Variants in SRGAP3 observed in about 807,000 individuals in gnomAD.
The protein encoded by SRGAP3 is SLIT-ROBO Rho GTPase activating protein 3.
SRGAP3 carries 39 observed loss-of-function variants against 121.1 expected under a neutral mutation model. That is an observed-to-expected ratio of 0.32 (90% CI 0.25 to 0.42). The LOEUF is 0.42. Ranked by LOEUF, SRGAP3 falls within the 10% of genes least tolerant of loss-of-function variation. SRGAP3 has a pLI of 1.00. For synonymous variants in SRGAP3, 601 were observed against 570.0 expected, an observed-to-expected ratio of 1.05 and a Z score of -0.77; for missense variants, 1,213 against 1,470.6, an observed-to-expected ratio of 0.82 and a Z score of 2.86.
chr3:9,144,913 C>A (rs1949973993), intron 1 of SRGAP3, among the ~76,000 whole-genome samples: 1 of 152,178 alleles, frequency 6.6e-6, no homozygotes, highest in Admixed American at 6.5e-5. Context: ...ATGTAAAGTG[C>A]TTGGCACAGT....
intron 7 of SRGAP3, 130 bp downstream of exon 7, chr3:9,058,121 C>T (rs1025703296): frequency 6.2e-6 from 6 of 969,344 alleles, no homozygotes; most frequent in African/African-American, 3.2e-5. Flanking sequence ...TGGGGAAGCC[C>T]ATGAACCAGG....
chr3:9,249,852 A>G (rs1953961011), upstream of SRGAP3, among the ~76,000 whole-genome samples: 1 of 152,190 alleles, frequency 6.6e-6, no homozygotes, highest in Non-Finnish European at 1.5e-5. Context: ...GCAAACTCCA[A>G]ACATTAGCAC....
chr3:9,069,646 G>A (rs1417671758), intron 4 of SRGAP3, among the ~76,000 whole-genome samples: 5 of 152,300 alleles, frequency 3.3e-5, no homozygotes, highest in African/African-American at 1.2e-4. Context: ...AGGAGATGGA[G>A]GCTCAAAAGT....
At chr3:9,334,665 C>T (rs113057400) in intron 1 of SRGAP3, among the ~76,000 whole-genome samples, 2,650 of 152,248 alleles carry the variant, frequency 0.017, 60 homozygotes, top group Middle Eastern at 0.024. Context: ...CATCCCACTC[C>T]ATTAGTTTAC....
At chr3:9,129,918 C>A (rs1432567003) in intron 1 of SRGAP3, among the ~76,000 whole-genome samples, 1 of 151,954 alleles carries the variant, frequency 6.6e-6, no homozygotes, top group African/African-American at 2.4e-5. Context: ...CCGGCCACCA[C>A]ACCTGAATAA....
chr3:9,010,330 A>G lies in SRGAP3; in HGVS notation c.2205T>C (p.Thr735=). The change falls in exon 18 of 22, where the codon ACT becomes ACC. Residue 735 remains threonine (T), a synonymous_variant. Transcript: ENST00000383836. The stretch of plus-strand genomic sequence containing the variant: ...CACCTTCATCGCTGGTATGAGGCTC[A>G]GTGCCATTGTCATGGTCAACTTCAT... ...AIDEVDHDNG[T]EPHTSDEEVE... The G allele has an allele frequency of 6.2e-7, 1 of 1,614,154 alleles. No individual in the cohort carries two copies. The highest frequency in any genetic ancestry group is 8.5e-7 in the Non-Finnish European group (1 of 1,180,016).
chr3:9,061,411 C>A (rs565116542), intron 5 of SRGAP3, among the ~76,000 whole-genome samples: 1 of 152,262 alleles, frequency 6.6e-6, no homozygotes, highest in South Asian at 2.1e-4. Flanking sequence ...AAAATTCATT[C>A]CTGTCTCAAG....
chr3:9,324,880 C>A (rs931414797), intron 3 of SRGAP3, among the ~76,000 whole-genome samples: 1 of 151,576 alleles, frequency 6.6e-6, no homozygotes, highest in African/African-American at 2.4e-5. Context: ...TGGCATGAAC[C>A]CGGGAGGCGG....
intron 18 of SRGAP3, among the ~76,000 whole-genome samples, chr3:9,000,029 C>A (rs929006805): frequency 6.6e-6 from 1 of 152,192 alleles, no homozygotes; most frequent in Non-Finnish European, 1.5e-5. Context: ...CCTCCCTCTA[C>A]TCCTGCTCCA....
chr3:9,308,004 A>C (rs1383804240), intron 3 of SRGAP3, among the ~76,000 whole-genome samples: 2 of 152,156 alleles, frequency 1.3e-5, no homozygotes, highest in Admixed American at 1.3e-4. Flanking sequence ...AAAATACAAA[A>C]ATTAGCTGGA....
At chr3:9,216,988 T>G (rs1049277945) in intron 1 of SRGAP3, 2 of 151,802 alleles carry the variant, frequency 1.3e-5, no homozygotes, top group Non-Finnish European at 2.9e-5. Context: ...GAAAGTAGAC[T>G]GGTGATTGCC....
chr3:9,180,566 T>C (rs1207069278), intron 1 of SRGAP3, among the ~76,000 whole-genome samples: 1 of 151,780 alleles, frequency 6.6e-6, no homozygotes, highest in African/African-American at 2.4e-5. Flanking sequence ...TACAGGCAAG[T>C]TTCACCAAAG....
chr3:9,134,151 G>A lies in SRGAP3; in HGVS notation c.68-9234C>T, dbSNP rs1050582573. Among the ~76,000 whole-genome samples, 4 of 152,210 alleles carry A rather than the reference G, an allele frequency of 2.6e-5. No homozygotes were observed. In the East Asian group the frequency reaches 7.7e-4, roughly 29 times the overall value. On this transcript the variant is annotated intron_variant, in intron 1 of 21. Transcript: ENST00000383836. The stretch of plus-strand genomic sequence containing the variant: ...CCTTGGAGGCCTCTGCCCCTTGCCT[G>A]CAGATGGCTTTCCTGGGTTAGTAAG...
At chr3:9,078,890 G>A (rs1292957194) in intron 4 of SRGAP3, among the ~76,000 whole-genome samples, 2 of 152,100 alleles carry the variant, frequency 1.3e-5, no homozygotes, top group Non-Finnish European at 1.5e-5. Context: ...TCTCAGCCCC[G>A]TTTTACTGAT....
chr3:9,172,478 G>A (rs528885992), intron 1 of SRGAP3, among the ~76,000 whole-genome samples: 1 of 152,300 alleles, frequency 6.6e-6, no homozygotes, highest in East Asian at 1.9e-4. Context: ...CTGTACAGGG[G>A]TTAGGACTTG....
chr3:9,303,443 AC>A (rs1955103019), intron 3 of SRGAP3, among the ~76,000 whole-genome samples: 1 of 151,876 alleles, frequency 6.6e-6, no homozygotes, highest in Non-Finnish European at 1.5e-5. Flanking sequence ...AAAAAAAAGA[AC>A]ACTTAACATA....
chr3:9,169,378 G>A (rs1950897735), intron 1 of SRGAP3, among the ~76,000 whole-genome samples: 1 of 152,166 alleles, frequency 6.6e-6, no homozygotes, highest in Non-Finnish European at 1.5e-5. Context: ...AGGTGGGGTA[G>A]CAGGACATGA....
At chr3:9,260,681 T>C (rs555769551) in intron 3 of SRGAP3, among the ~76,000 whole-genome samples, 17 of 152,322 alleles carry the variant, frequency 1.1e-4, no homozygotes, top group African/African-American at 3.8e-4. Flanking sequence ...CCCATCTCCC[T>C]GGGACAGAGA....
intron 1 of SRGAP3, among the ~76,000 whole-genome samples, chr3:9,214,736 A>C (rs751526128): frequency 6.6e-6 from 1 of 152,208 alleles, no homozygotes; most frequent in Non-Finnish European, 1.5e-5. Context: ...ATTCAGATGA[A>C]GGACCAGGAA....
Sources: gnomAD v4.1 joint callset for allele counts (sites outside exome capture counted in the v4.1 genomes callset) on GRCh38, gnomAD v4.1.1 for gene constraint, MANE v1.5 for transcripts, NCBI Gene and HGNC (gene_info 2026-07-23, HGNC 2026-07-21) for gene names.